PIEZO2: variants seen among roughly 807,000 people sequenced by gnomAD.
PIEZO2 encodes piezo-type mechanosensitive ion channel component 2.
A neutral mutation model predicts 337.3 loss-of-function variants in PIEZO2; 172 were observed. The ratio of observed to expected loss-of-function variants is 0.51; its 90% CI spans 0.45 to 0.58. The LOEUF (loss-of-function observed/expected upper bound fraction) is 0.58. Ranked by LOEUF, PIEZO2 falls within the 20% of genes least tolerant of loss-of-function variation. The pLI is 0.00. For missense variants in PIEZO2, 3,028 were observed against 3,391.3 expected (o/e 0.89, Z 2.66); for synonymous variants, 1,251 against 1,228.5 (o/e 1.02, Z -0.38).
intron 1 of PIEZO2, among the ~76,000 whole-genome samples, chr18:11,136,389 G>A (rs569523754): frequency 4.9e-4 from 74 of 152,334 alleles, no homozygotes; most frequent in Non-Finnish European, 1.3e-4. Flanking sequence ...ATTTTATGAG[G>A]ATCCCTCTTC....
rs183054429 is a variant in PIEZO2, at chr18:10,769,560, A to T, written c.2946+588T>A. ...TAACCAACTCAGAAATAATCCAGGCATATAGAAGTATGCAAACACTATTTG... is the reference window on the plus strand; with the variant it reads ...TAACCAACTCAGAAATAATCCAGGCTTATAGAAGTATGCAAACACTATTTG... On this transcript the variant is annotated intron_variant, in intron 21 of 55. Coordinates refer to ENST00000674853, the MANE Select transcript of PIEZO2 (RefSeq NM_001378183.1). 2.4e-3 allele frequency among the ~76,000 whole-genome samples: 324 copies of T among 136,784 alleles called. 8 individuals are homozygous for T. The East Asian group carries it at 0.052, about 22-fold the overall frequency. 89.7% of individuals were successfully genotyped at this position (136,784 alleles called of 152,430 possible). A position where few individuals can be genotyped will look rare whatever the true frequency, so the allele number is the denominator to read the frequency against.
chr18:10,916,276 TGC>T (rs2030944583), intron 3 of PIEZO2, among the ~76,000 whole-genome samples: 1 of 152,150 alleles, frequency 6.6e-6, no homozygotes, highest in South Asian at 2.1e-4. Flanking sequence ...AGTCCCACGC[TGC>T]ACGCCCCTGC....
At chr18:10,852,027 T>G (rs2041568847) in intron 7 of PIEZO2, among the ~76,000 whole-genome samples, 1 of 152,222 alleles carries the variant, frequency 6.6e-6, no homozygotes, top group Non-Finnish European at 1.5e-5. Context: ...TTCAATTAAG[T>G]CATCCTCTAA....
intron 43 of PIEZO2, among the ~76,000 whole-genome samples, chr18:10,700,398 T>C (rs1459078445): frequency 6.6e-6 from 1 of 151,898 alleles, no homozygotes; most frequent in Non-Finnish European, 1.5e-5. Context: ...TTTATCATTC[T>C]AAAAACTATT....
Position 10,699,642 on chromosome 18 carries a change from T to C in PIEZO2, c.6442-465A>G, listed in dbSNP as rs1278936040. Reference sequence around the variant, plus strand: ...TATCAGCAGCATGAAAACGGACTAATACACAAGAAAAGAAAGCTTGTCTAG... The same window carrying C: ...TATCAGCAGCATGAAAACGGACTAACACACAAGAAAAGAAAGCTTGTCTAG... On this transcript the variant is annotated intron_variant, in intron 43 of 55. Coordinates refer to ENST00000674853, the MANE Select transcript of PIEZO2 (RefSeq NM_001378183.1). 3.9e-5 allele frequency among the ~76,000 whole-genome samples: 6 copies of C among 152,136 alleles called. No individual in the cohort carries two copies. In the East Asian group the frequency reaches 9.6e-4, roughly 24 times the overall value.
At chr18:11,005,703 T>A (rs1033500235) in intron 2 of PIEZO2, among the ~76,000 whole-genome samples, 1 of 152,248 alleles carries the variant, frequency 6.6e-6, no homozygotes, top group African/African-American at 2.4e-5. Context: ...GTTATCTTCT[T>A]GTTTTTCCCA....
chr18:10,701,905 TGTCCAGGTTATCTAGGAAGATTACG>T lies in PIEZO2; in HGVS notation c.6441+59_6441+83del, dbSNP rs547024115. 661 of 1,238,418 alleles carry T rather than the reference TGTCCAGGTTATCTAGGAAGATTACG, an allele frequency of 5.3e-4. 5 individuals are homozygous for T. In the South Asian group the frequency reaches 9.4e-3, roughly 18 times the overall value. The allele number at this position is 1,238,418 out of a possible 1,614,324, so 76.7% of individuals were successfully genotyped here. ...CCCTCAGCCCCATCACCAATCCTGA[TGTCCAGGTTATCTAGGAAGATTACG>T]GTCCAGGTTATCTAGGAAGATGACC... On this transcript the variant is annotated intron_variant, in intron 43 of 55. Coordinates refer to ENST00000674853, the MANE Select transcript of PIEZO2 (RefSeq NM_001378183.1).
At chr18:10,712,686 T>C (rs1288524058) in intron 39 of PIEZO2, among the ~76,000 whole-genome samples, 2 of 152,236 alleles carry the variant, frequency 1.3e-5, no homozygotes, top group Non-Finnish European at 2.9e-5. Context: ...ATGTTCTCTT[T>C]GTAACTTTGA....
intron 2 of PIEZO2, among the ~76,000 whole-genome samples, chr18:10,989,008 A>G (rs2034987652): frequency 6.6e-6 from 1 of 152,168 alleles, no homozygotes; most frequent in African/African-American, 2.4e-5. Flanking sequence ...CTGAAGATCT[A>G]CTATACAGCA....
intron 3 of PIEZO2, among the ~76,000 whole-genome samples, chr18:10,937,917 C>A (rs938027820): frequency 6.6e-6 from 1 of 152,154 alleles, no homozygotes; most frequent in Non-Finnish European, 1.5e-5. Context: ...TATAATTCAA[C>A]CAGTTCTGAC....
chr18:11,139,798 G>A (rs543866391), intron 1 of PIEZO2, among the ~76,000 whole-genome samples: 14 of 152,254 alleles, frequency 9.2e-5, no homozygotes, highest in African/African-American at 2.6e-4. Flanking sequence ...TTGAGGGACC[G>A]TGACTCTTTC....
rs67577639 is a variant in PIEZO2 at position 11,035,561 on chromosome 18, C to G, written c.160+30566G>C. The stretch of plus-strand genomic sequence containing the variant: ...GGGCTAACACAACTCCTCTTGCCAG[C>G]AGGGGACACATGCAATTTACTTGGC... On this transcript the variant is annotated intron_variant, in intron 2 of 55. Transcript: ENST00000674853. This position sits in a 1 kb window ranked among gnomAD's most constrained non-coding sequence, Gnocchi z 4.3. Among the ~76,000 whole-genome samples, 2 of 152,016 alleles carry G rather than the reference C, an allele frequency of 1.3e-5. No homozygotes were observed. Among genetic ancestry groups the G allele is most frequent in the African/African-American group, 4.8e-5 (2 of 41,342 alleles).
rs1395306408 is a variant in PIEZO2 at position 11,148,602 on chromosome 18, C to G, written c.-14G>C. 3.9e-6 allele frequency: 6 copies of G among 1,536,776 alleles called. No individual in the cohort carries two copies. The African/African-American group carries it at 5.5e-5, about 14-fold the overall frequency. ...TTCTGAGGCCATCGCGTCGGTCCGG[C>G]GAGTCGGAGCAGAGGGGCGAGGCTC... On this transcript the variant is annotated 5_prime_UTR_variant, in exon 1 of 56. Coordinates refer to ENST00000674853, the MANE Select transcript of PIEZO2 (RefSeq NM_001378183.1). The surrounding 1 kb of genome is among the most constrained non-coding windows in gnomAD (Gnocchi z 5.2).
intron 27 of PIEZO2, among the ~76,000 whole-genome samples, chr18:10,755,069 T>C (rs955875049): frequency 2.6e-5 from 4 of 152,048 alleles, no homozygotes; most frequent in Non-Finnish European, 5.9e-5. Flanking sequence ...GAACTGTAAG[T>C]AGGAGGATGG....
chr18:11,038,751 T>C lies in PIEZO2; in HGVS notation c.160+27376A>G, dbSNP rs2037011027. 1.3e-5 allele frequency among the ~76,000 whole-genome samples: 2 copies of C among 152,226 alleles called. No homozygotes were observed. The highest frequency in any genetic ancestry group is 2.9e-5 in the Non-Finnish European group (2 of 68,040). On this transcript the variant is annotated intron_variant, in intron 2 of 55. Coordinates refer to ENST00000674853, the MANE Select transcript of PIEZO2 (RefSeq NM_001378183.1). The surrounding 1 kb of genome is among the most constrained non-coding windows in gnomAD (Gnocchi z 4.1). Reference sequence around the variant, plus strand: ...ATTTCTGCATTGATTAAATGTATAATACATGCATACATACAAATAAAATTA... The same window carrying C: ...ATTTCTGCATTGATTAAATGTATAACACATGCATACATACAAATAAAATTA...
intron 2 of PIEZO2, among the ~76,000 whole-genome samples, chr18:11,022,896 G>A (rs1320223956): frequency 6.6e-6 from 1 of 152,146 alleles, no homozygotes; most frequent in African/African-American, 2.4e-5. Flanking sequence ...ATGTTCGGAT[G>A]TGTTCAGAGT....
intron 47 of PIEZO2, among the ~76,000 whole-genome samples, chr18:10,692,522 T>TGCTTCCTTCTTTCCTTCCTTCTC (rs2034894981): frequency 1.3e-5 from 2 of 149,938 alleles, no homozygotes; most frequent in South Asian, 2.2e-4. Flanking sequence ...CCTTCCTTCT[T>TGCTTCCTTCTTTCCTTCCTTCTC]GCTTCCTTCT....
chr18:11,082,090 G>A (rs1311734538), intron 1 of PIEZO2, among the ~76,000 whole-genome samples: 2 of 151,854 alleles, frequency 1.3e-5, no homozygotes, highest in African/African-American at 4.8e-5. Context: ...TTCTCCTGCA[G>A]ACAAAAATGG....
At chr18:10,755,836 AG>A (rs34666985) in intron 27 of PIEZO2, among the ~76,000 whole-genome samples, 3 of 151,758 alleles carry the variant, frequency 2.0e-5, no homozygotes, top group African/African-American at 2.4e-5. Context: ...AGGGATGAGG[AG>A]GAGAGATGGG....
Sources: allele counts gnomAD v4.1 joint callset (sites outside exome capture counted in the v4.1 genomes callset), GRCh38; gene constraint gnomAD v4.1.1; non-coding constraint Gnocchi (gnomAD v3.1); transcripts MANE v1.5; gene names NCBI Gene and HGNC (gene_info 2026-07-23, HGNC 2026-07-21).